The following GRIK2 variants were observed in gnomAD, a reference collection of about 807,000 sequenced individuals.
GRIK2 encodes glutamate ionotropic receptor kainate type subunit 2.
Under a neutral mutation model 100.3 loss-of-function variants are expected in GRIK2, and 32 were observed. The ratio of observed to expected loss-of-function variants is 0.32; its 90% confidence interval spans 0.24 to 0.43. The LOEUF (loss-of-function observed/expected upper bound fraction) is 0.43, where lower values mean the gene tolerates loss of function less well. GRIK2 is among the 20% of genes least tolerant of loss of function. GRIK2 has a pLI of 1.00. For synonymous variants in GRIK2, 417 were observed against 389.4 expected (o/e 1.07, Z -0.83); for missense variants, 843 against 1,114.9 (o/e 0.76, Z 3.47).
chr6:101,473,046 A>T (rs149483177), intron 2 of GRIK2, among the ~76,000 whole-genome samples: 1 of 151,640 alleles, frequency 6.6e-6, no homozygotes, highest in African/African-American at 2.4e-5. Context: ...TAATATATAT[A>T]TTATTACACC....
intron 14 of GRIK2, among the ~76,000 whole-genome samples, chr6:101,984,866 T>C (rs1403929967): frequency 6.6e-6 from 1 of 151,696 alleles, no homozygotes; most frequent in African/African-American, 2.4e-5. Context: ...ATAGAAGCAA[T>C]GCATGCTTTT....
At chr6:101,740,930 A>G (rs1186528929) in intron 7 of GRIK2, among the ~76,000 whole-genome samples, 1 of 152,180 alleles carries the variant, frequency 6.6e-6, no homozygotes, top group African/African-American at 2.4e-5. Context: ...CCACTCCAAC[A>G]TTAGGGATCA....
At chr6:101,632,675 A>G (rs910826875) in intron 4 of GRIK2, among the ~76,000 whole-genome samples, 1 of 152,042 alleles carries the variant, frequency 6.6e-6, no homozygotes, top group Non-Finnish European at 1.5e-5. Flanking sequence ...TTCTTATTTG[A>G]GCAATTATTA....
chr6:101,873,459 T>A (rs1489894599), intron 11 of GRIK2, among the ~76,000 whole-genome samples: 1 of 151,950 alleles, frequency 6.6e-6, no homozygotes, highest in East Asian at 1.9e-4. Context: ...TATTCCATGG[T>A]GTATATGTGC....
intron 13 of GRIK2, chr6:101,928,047 A>G (rs1355098291): frequency 4.9e-6 from 1 of 203,868 alleles, no homozygotes; most frequent in African/African-American, 2.3e-5. Flanking sequence ...TGAAACCCTC[A>G]TAACTAACAA....
rs534429769 is a variant in GRIK2 at position 101,658,652 on chromosome 6, A to G, written c.542-17971A>G. Among the ~76,000 whole-genome samples, 3 of 151,838 alleles carry G rather than the reference A, an allele frequency of 2.0e-5. No homozygotes were observed. In the East Asian group the frequency reaches 5.8e-4, roughly 30 times the overall value. On this transcript the variant is annotated intron_variant, in intron 4 of 16. Coordinates refer to ENST00000369134, the MANE Select transcript of GRIK2 (RefSeq NM_021956.5). The stretch of plus-strand genomic sequence containing the variant: ...ACTCTGTCTTCCACCAACAGTGTAA[A>G]AGCATTGCTATTTCCCACATCCTCT...
In GRIK2 at chr6:101,490,446, G is replaced by A. The variant is rs1466771517; in HGVS notation, c.115+91054G>A. Among the ~76,000 whole-genome samples, 2 of 146,526 alleles carry A rather than the reference G, an allele frequency of 1.4e-5. 1 individual carries two copies. The highest frequency in any genetic ancestry group is 5.2e-5 in the African/African-American group (2 of 38,466). On this transcript the variant is annotated intron_variant, in intron 2 of 16. Transcript: ENST00000369134. ...TTTATGAGTCTGAACCCATGAAGGGGTATAGTGCAGGCATGAATTGCCACA... is the reference window on the plus strand; with the variant it reads ...TTTATGAGTCTGAACCCATGAAGGGATATAGTGCAGGCATGAATTGCCACA...
chr6:101,696,796 T>C (rs559718657), intron 7 of GRIK2, among the ~76,000 whole-genome samples: 6 of 151,808 alleles, frequency 4.0e-5, no homozygotes, highest in Non-Finnish European at 7.4e-5. Context: ...GAAGCAAATA[T>C]AAAAGAATCC....
At chr6:101,454,857 A>T (rs1163053440) in intron 2 of GRIK2, among the ~76,000 whole-genome samples, 1 of 152,152 alleles carries the variant, frequency 6.6e-6, no homozygotes, top group African/African-American at 2.4e-5. Context: ...TAAGCCTGGT[A>T]GATTTTCAAG....
chr6:101,761,272 G>T (rs1777644377), intron 7 of GRIK2, among the ~76,000 whole-genome samples: 1 of 152,102 alleles, frequency 6.6e-6, no homozygotes, highest in Non-Finnish European at 1.5e-5. Flanking sequence ...TATGTCTGGT[G>T]CTGAGCAATA....
intron 2 of GRIK2, among the ~76,000 whole-genome samples, chr6:101,555,727 A>G (rs1045566470): frequency 5.9e-5 from 9 of 152,192 alleles, no homozygotes; most frequent in Non-Finnish European, 1.2e-4. Flanking sequence ...TCATGAGTCA[A>G]TCTATAAAGT....
At chr6:101,799,317 CAG>C (rs1357552694) in intron 7 of GRIK2, among the ~76,000 whole-genome samples, 1 of 146,568 alleles carries the variant, frequency 6.8e-6, no homozygotes, top group East Asian at 2.0e-4. Flanking sequence ...ATAAGTGAGA[CAG>C]AGTAAGAATC....
chr6:101,811,902 CTGT>C (rs958502773), intron 9 of GRIK2, among the ~76,000 whole-genome samples: 15 of 151,556 alleles, frequency 9.9e-5, no homozygotes, highest in African/African-American at 3.6e-4. Flanking sequence ...ATTCTGAAAA[CTGT>C]TGTTTTCTAC....
At chr6:101,756,556 T>G (rs530508753) in intron 7 of GRIK2, among the ~76,000 whole-genome samples, 208 of 152,302 alleles carry the variant, frequency 1.4e-3, no homozygotes, top group African/African-American at 4.9e-3. Flanking sequence ...AAAGCCTTCA[T>G]GCCAATCATG....
intron 2 of GRIK2, among the ~76,000 whole-genome samples, chr6:101,444,012 T>C (rs961429870): frequency 1.3e-5 from 2 of 152,000 alleles, no homozygotes; most frequent in East Asian, 3.9e-4. Context: ...AGCCTCCCAA[T>C]TGGCTCAGAC....
At chr6:101,773,526 C>A (rs1778543781) in intron 7 of GRIK2, among the ~76,000 whole-genome samples, 1 of 149,974 alleles carries the variant, frequency 6.7e-6, no homozygotes, top group African/African-American at 2.4e-5. Flanking sequence ...GATGGAAGGT[C>A]TTCAAGTTAA....
chr6:101,503,326 A>T (rs533788827), intron 2 of GRIK2, among the ~76,000 whole-genome samples: 113 of 152,158 alleles, frequency 7.4e-4, no homozygotes, highest in African/African-American at 2.6e-3. Flanking sequence ...AGTGTAGACT[A>T]CTCCTTTTCA....
At chr6:102,000,134 C>A (rs368590384) in intron 14 of GRIK2, among the ~76,000 whole-genome samples, 1 of 151,518 alleles carries the variant, frequency 6.6e-6, no homozygotes, top group Non-Finnish European at 1.5e-5. Context: ...GTTCTGTTTT[C>A]GGTTATGTTT....
intron 14 of GRIK2, among the ~76,000 whole-genome samples, chr6:102,010,349 TTCCTCC>T (rs1795462337): frequency 7.0e-6 from 1 of 142,312 alleles, no homozygotes; most frequent in Non-Finnish European, 1.5e-5. Flanking sequence ...CCGCCCTCCT[TTCCTCC>T]TCCTCCTCCT....
Sources: allele counts gnomAD v4.1 joint callset (sites outside exome capture counted in the v4.1 genomes callset), GRCh38; gene constraint gnomAD v4.1.1; transcripts MANE v1.5; gene names NCBI Gene and HGNC (gene_info 2026-07-23, HGNC 2026-07-21).